The following ENOX1 variants were observed in gnomAD, a reference collection of about 807,000 sequenced individuals.
ENOX1 encodes candidate growth-related and time keeping constitutive hydroquinone (NADH) oxidase.
In ENOX1, 42 loss-of-function variants were observed where a neutral mutation model predicts 82.5. That is an observed-to-expected ratio of 0.51 (90% CI 0.40 to 0.66). The LOEUF (loss-of-function observed/expected upper bound fraction) is 0.66. ENOX1 is among the 30% of genes least tolerant of loss of function. ENOX1 has a pLI of 0.00. For missense variants in ENOX1, 608 were observed against 811.6 expected, an observed-to-expected ratio of 0.75 and a Z score of 3.05; for synonymous variants, 271 against 282.2, an observed-to-expected ratio of 0.96 and a Z score of 0.40.
intron 1 of ENOX1, among the ~76,000 whole-genome samples, chr13:43,680,266 AAAG>A (rs1313269477): frequency 2.6e-5 from 4 of 152,202 alleles, no homozygotes; most frequent in Non-Finnish European, 4.4e-5. Context: ...TGTACACAGA[AAAG>A]AAGTAGATGC....
At chr13:43,406,063 C>G (rs1458332866) in intron 5 of ENOX1, among the ~76,000 whole-genome samples, 1 of 152,104 alleles carries the variant, frequency 6.6e-6, no homozygotes, top group East Asian at 1.9e-4. Context: ...AAGAGTGATG[C>G]TTGAGGAGAT....
At chr13:43,477,456 T>C (rs540153850) in intron 3 of ENOX1, among the ~76,000 whole-genome samples, 1 of 152,302 alleles carries the variant, frequency 6.6e-6, no homozygotes, top group South Asian at 2.1e-4. Context: ...GGAGCTGTTC[T>C]AGTAAGTCTA....
rs531137150 is a variant in ENOX1, at chr13:43,754,224, CAT to C, written c.-285+32426_-285+32427del. The stretch of plus-strand genomic sequence containing the variant: ...GTATATGTATATATGTGTGTACATA[CAT>C]GTGTATACATATGTATATATACACA... On this transcript the variant is annotated intron_variant, in intron 1 of 16. Coordinates refer to ENST00000690772, the MANE Select transcript of ENOX1 (RefSeq NM_001347969.2). 3.4e-3 allele frequency among the ~76,000 whole-genome samples: 504 copies of C among 147,134 alleles called. 7 individuals carry two copies. The highest frequency in any genetic ancestry group is 0.012 in the African/African-American group (484 of 40,060).
At chr13:43,476,414 CAAAG>C (rs2058288171) in intron 3 of ENOX1, among the ~76,000 whole-genome samples, 1 of 151,864 alleles carries the variant, frequency 6.6e-6, no homozygotes, top group Non-Finnish European at 1.5e-5. Context: ...GGTTCTGAAA[CAAAG>C]AGACAAAAAG....
chr13:43,324,963 T>C (rs984553507), intron 10 of ENOX1, among the ~76,000 whole-genome samples: 1 of 152,250 alleles, frequency 6.6e-6, no homozygotes, highest in Non-Finnish European at 1.5e-5. Flanking sequence ...TCTCTCAACA[T>C]TCCTTTTAAT....
At chr13:43,723,056 C>A (rs2088683296) in intron 1 of ENOX1, among the ~76,000 whole-genome samples, 1 of 152,182 alleles carries the variant, frequency 6.6e-6, no homozygotes, top group African/African-American at 2.4e-5. Flanking sequence ...CCCAAACTGT[C>A]CCCACACCTT....
At chr13:43,568,040 A>C (rs1462303645) in intron 2 of ENOX1, among the ~76,000 whole-genome samples, 4 of 152,344 alleles carry the variant, frequency 2.6e-5, no homozygotes, top group African/African-American at 7.2e-5. Flanking sequence ...CCCATACTAT[A>C]AAAATACTGA....
intron 2 of ENOX1, among the ~76,000 whole-genome samples, chr13:43,656,330 G>A (rs1001914524): frequency 6.6e-6 from 1 of 152,158 alleles, no homozygotes; most frequent in Non-Finnish European, 1.5e-5. Context: ...GAATGCCAGT[G>A]TTTTTCAATC....
At chr13:43,724,448 TCTC>T (rs2088798013) in intron 1 of ENOX1, among the ~76,000 whole-genome samples, 1 of 152,152 alleles carries the variant, frequency 6.6e-6, no homozygotes, top group Non-Finnish European at 1.5e-5. Flanking sequence ...GGGAGGGAAT[TCTC>T]CTAGCACCTA....
intron 2 of ENOX1, among the ~76,000 whole-genome samples, chr13:43,506,151 G>A (rs1593534541): frequency 6.6e-6 from 1 of 152,046 alleles, no homozygotes; most frequent in East Asian, 1.9e-4. Context: ...TTTGGTTACT[G>A]TAGTCTTGTA....
chr13:43,410,048 A>G (rs1012029575), intron 5 of ENOX1, among the ~76,000 whole-genome samples: 2 of 152,230 alleles, frequency 1.3e-5, no homozygotes, highest in Non-Finnish European at 2.9e-5. Flanking sequence ...TAAATCTTCT[A>G]TAACGCGTAG....
At chr13:43,319,121 C>A (rs2047671768) in intron 11 of ENOX1, among the ~76,000 whole-genome samples, 1 of 152,164 alleles carries the variant, frequency 6.6e-6, no homozygotes, top group East Asian at 1.9e-4. Context: ...GACTAAACAA[C>A]AATAAATTTG....
intron 14 of ENOX1, among the ~76,000 whole-genome samples, chr13:43,254,121 T>C (rs1225296108): frequency 2.0e-5 from 3 of 152,180 alleles, no homozygotes; most frequent in Non-Finnish European, 4.4e-5. Flanking sequence ...TTAATCACTC[T>C]TCTTAATCTC....
intron 2 of ENOX1, among the ~76,000 whole-genome samples, chr13:43,484,877 C>T (rs2076361043): frequency 6.6e-6 from 1 of 152,136 alleles, no homozygotes; most frequent in Admixed American, 6.5e-5. Flanking sequence ...AACTTTTCTT[C>T]CTTAGACAAA....
intron 1 of ENOX1, among the ~76,000 whole-genome samples, chr13:43,718,705 A>G (rs1024039761): frequency 4.3e-5 from 6 of 140,412 alleles, no homozygotes; most frequent in Admixed American, 2.2e-4. Flanking sequence ...AAAAAAAAAA[A>G]AAAATTAGAA....
At chr13:43,725,556 A>G (rs182714435) in intron 1 of ENOX1, among the ~76,000 whole-genome samples, 2 of 151,968 alleles carry the variant, frequency 1.3e-5, no homozygotes, top group East Asian at 3.9e-4. Context: ...CATATCTTCG[A>G]CTCCTGTGTC....
At chr13:43,416,774 C>T (rs1055422400) in intron 3 of ENOX1, among the ~76,000 whole-genome samples, 1 of 151,996 alleles carries the variant, frequency 6.6e-6, no homozygotes, top group Non-Finnish European at 1.5e-5. Flanking sequence ...CAATGGGCAG[C>T]CAGGCAGAGA....
At chr13:43,253,444 T>TGCA (rs1331491947) in intron 14 of ENOX1, among the ~76,000 whole-genome samples, 2 of 152,224 alleles carry the variant, frequency 1.3e-5, no homozygotes, top group Non-Finnish European at 2.9e-5. Flanking sequence ...GACTGCCCTT[T>TGCA]GCAGCACTGC....
At chr13:43,421,892 T>A (rs538044008) in intron 3 of ENOX1, among the ~76,000 whole-genome samples, 1 of 150,284 alleles carries the variant, frequency 6.7e-6, no homozygotes, top group African/African-American at 2.4e-5. Context: ...ATATAAATAT[T>A]TTACATGTAA....
Sources: gnomAD v4.1 joint callset for allele counts (sites outside exome capture counted in the v4.1 genomes callset) on GRCh38, gnomAD v4.1.1 for gene constraint, MANE v1.5 for transcripts, NCBI Gene and HGNC (gene_info 2026-07-23, HGNC 2026-07-21) for gene names.